MINDY4: variants seen among roughly 807,000 people sequenced by gnomAD.
The protein encoded by MINDY4 is probable ubiquitin carboxyl-terminal hydrolase MINDY-4.
MINDY4 carries 68 observed loss-of-function variants against 87.0 expected under a neutral mutation model. The observed-to-expected ratio is 0.78, with a 90% CI of 0.64 to 0.96. MINDY4 has a LOEUF of 0.96. Ranked by LOEUF, MINDY4 falls within the 40% of genes least tolerant of loss-of-function variation. The pLI is 0.00. For synonymous variants in MINDY4, 379 were observed against 363.2 expected, an observed-to-expected ratio of 1.04 and a Z score of -0.50; for missense variants, 919 against 928.2, an observed-to-expected ratio of 0.99 and a Z score of 0.13.
At chr7:30,823,294 A>G (rs1788396319) in intron 5 of MINDY4, among the ~76,000 whole-genome samples, 1 of 152,308 alleles carries the variant, frequency 6.6e-6, no homozygotes, top group African/African-American at 2.4e-5. Context: ...CCTTCCATCC[A>G]GTTGTATTGG....
chr7:30,840,544 C>A (rs749714156), intron 8 of MINDY4, among the ~76,000 whole-genome samples: 2 of 152,206 alleles, frequency 1.3e-5, no homozygotes, highest in Admixed American at 6.5e-5. Context: ...TGACAACTGG[C>A]CCCTTCCCCT....
chr7:30,841,169 C>G (rs908409514), intron 9 of MINDY4, among the ~76,000 whole-genome samples: 1 of 152,164 alleles, frequency 6.6e-6, no homozygotes, highest in African/African-American at 2.4e-5. Context: ...GTCGACCTGC[C>G]GACCTTTCGA....
At chr7:30,824,678 A>G (rs1788444949) in intron 5 of MINDY4, among the ~76,000 whole-genome samples, 1 of 152,112 alleles carries the variant, frequency 6.6e-6, no homozygotes, top group South Asian at 2.1e-4. Flanking sequence ...GGCTTCAGCG[A>G]TCCTCCCATT....
intron 3 of MINDY4, among the ~76,000 whole-genome samples, chr7:30,785,261 C>T (rs6977031): frequency 1.8e-5 from 2 of 111,222 alleles, no homozygotes; most frequent in East Asian, 2.1e-4. Flanking sequence ...CTTCCTCTCT[C>T]TCTCTCTGAC....
intron 11 of MINDY4, among the ~76,000 whole-genome samples, 171 bp from the exon 12 acceptor site, chr7:30,853,223 A>G (rs561372093): frequency 1.3e-5 from 2 of 152,316 alleles, no homozygotes; most frequent in Non-Finnish European, 2.9e-5. Flanking sequence ...TTTCACTCAC[A>G]TACAGGTATG....
chr7:30,848,062 G>T (rs561310161), intron 9 of MINDY4, among the ~76,000 whole-genome samples: 6 of 152,324 alleles, frequency 3.9e-5, no homozygotes, highest in Admixed American at 1.3e-4. Context: ...CTTATTTGTT[G>T]CTACACTGAG....
At chr7:30,851,034 C>G (rs1789398512) in intron 10 of MINDY4, among the ~76,000 whole-genome samples, 1 of 152,184 alleles carries the variant, frequency 6.6e-6, no homozygotes, top group Non-Finnish European at 1.5e-5. Flanking sequence ...GAGGTGGAGC[C>G]CAGGCCCTGG....
At chr7:30,855,321 G>T (rs1273509740) in intron 12 of MINDY4, among the ~76,000 whole-genome samples, 1 of 152,234 alleles carries the variant, frequency 6.6e-6, no homozygotes, top group Non-Finnish European at 1.5e-5. Context: ...GCAGTACTAG[G>T]CAGTCTGAAG....
intron 13 of MINDY4, among the ~76,000 whole-genome samples, chr7:30,864,350 A>C (rs943005247): frequency 6.6e-6 from 1 of 152,256 alleles, no homozygotes; most frequent in South Asian, 2.1e-4. Context: ...ACAAAAGCCA[A>C]CTGTGAGTGT....
At chr7:30,847,566 AC>A (rs11311426) in intron 9 of MINDY4, among the ~76,000 whole-genome samples, 11,509 of 152,180 alleles carry the variant, frequency 0.076, 899 homozygotes, top group African/African-American at 0.19. Context: ...TGAGTAAATC[AC>A]TGTGTCTCCA....
chr7:30,842,622 G>A (rs1789076594), intron 9 of MINDY4, among the ~76,000 whole-genome samples: 1 of 152,148 alleles, frequency 6.6e-6, no homozygotes, highest in Non-Finnish European at 1.5e-5. Context: ...ACCTATGATT[G>A]AACAGGAGAG....
intron 15 of MINDY4, 92 bp from the exon 16 acceptor site, chr7:30,882,089 C>G (rs1297960828): frequency 7.9e-7 from 1 of 1,269,244 alleles, no homozygotes; most frequent in Admixed American, 2.2e-5. Context: ...CAGGGCCTCT[C>G]TGAGGTCAGC....
intron 9 of MINDY4, among the ~76,000 whole-genome samples, chr7:30,850,115 A>C (rs533912534): frequency 6.6e-6 from 1 of 152,302 alleles, no homozygotes; most frequent in African/African-American, 2.4e-5. Flanking sequence ...TGGGCCTCCC[A>C]GTCCCTGCCA....
At chr7:30,866,164 A>T (rs779719265) in intron 13 of MINDY4, among the ~76,000 whole-genome samples, 3 of 152,196 alleles carry the variant, frequency 2.0e-5, no homozygotes, top group South Asian at 4.1e-4. Context: ...GGGGGGCCAC[A>T]CCCAGGCCAC....
chr7:30,885,841 G>C (rs957820555), intron 17 of MINDY4, among the ~76,000 whole-genome samples: 2 of 152,124 alleles, frequency 1.3e-5, no homozygotes, highest in Non-Finnish European at 1.5e-5. Context: ...CCAGGTCTGT[G>C]TTCCATGTCT....
intron 13 of MINDY4, among the ~76,000 whole-genome samples, chr7:30,859,918 C>T (rs377733583): frequency 6.6e-5 from 10 of 152,290 alleles, no homozygotes; most frequent in East Asian, 3.9e-4. Flanking sequence ...GCTCCACAGC[C>T]GGAGTTTCCC....
In MINDY4 at chr7:30,892,020, T is replaced by C. The variant is rs759613973; in HGVS notation, c.*15T>C. 1 of 1,613,886 alleles carries C rather than the reference T, an allele frequency of 6.2e-7. No individual in the cohort carries two copies. Among genetic ancestry groups the C allele is most frequent in the Non-Finnish European group, 8.5e-7 (1 of 1,179,838 alleles). On this transcript the variant is annotated 3_prime_UTR_variant, in exon 18 of 18. Transcript: ENST00000265299. ...CCATCCTGTGACCGTTGGATGTGGG[T>C]AAACCCTGTGGTCCACCACTCATCA...
intron 5 of MINDY4, among the ~76,000 whole-genome samples, chr7:30,798,609 G>C (rs977938197): frequency 6.6e-6 from 1 of 152,114 alleles, no homozygotes; most frequent in Non-Finnish European, 1.5e-5. Context: ...CCATTCTCCT[G>C]CCTCAGCCTC....
chr7:30,865,493 G>C (rs996315717), intron 13 of MINDY4, among the ~76,000 whole-genome samples: 38 of 152,196 alleles, frequency 2.5e-4, no homozygotes, highest in African/African-American at 8.4e-4. Flanking sequence ...CACTGACTCT[G>C]TCTCTCTCCC....
Sources: gnomAD v4.1 joint callset for allele counts (sites outside exome capture counted in the v4.1 genomes callset) on GRCh38, gnomAD v4.1.1 for gene constraint, MANE v1.5 for transcripts, NCBI Gene and HGNC (gene_info 2026-07-23, HGNC 2026-07-21) for gene names.